Variants in DDX19B observed in about 807,000 individuals in gnomAD.
DDX19B encodes the protein DEAD-box helicase 19B.
A neutral mutation model predicts 58.1 loss-of-function variants in DDX19B; 27 were observed. That is an observed-to-expected ratio of 0.46 (90% CI 0.34 to 0.64). The LOEUF (loss-of-function observed/expected upper bound fraction) is 0.64. DDX19B is among the 30% of genes least tolerant of loss of function. The pLI is 0.01. For missense variants in DDX19B, 399 were observed against 596.5 expected, an observed-to-expected ratio of 0.67 and a Z score of 3.45; for synonymous variants, 187 against 214.4, an observed-to-expected ratio of 0.87 and a Z score of 1.12.
Position 70,300,210 on chromosome 16 carries a change from C to CT in DDX19B, c.57+868dup, listed in dbSNP as rs112236345. Among the ~76,000 whole-genome samples, 1,009 of 145,604 alleles carry CT rather than the reference C, an allele frequency of 6.9e-3. 13 individuals carry two copies. Among genetic ancestry groups the CT allele is most frequent in the East Asian group, 0.069 (343 of 5,004 alleles). ...TTTTTTTCCTCCCCAGAGGCAACTCCTTTTTTTTTTTTGGAGACAGGGTCA... is the reference window on the plus strand; with the variant it reads ...TTTTTTTCCTCCCCAGAGGCAACTCCTTTTTTTTTTTTTGGAGACAGGGTCA... On this transcript the variant is annotated intron_variant, in intron 1 of 11. Coordinates refer to ENST00000288071, the MANE Select transcript of DDX19B (RefSeq NM_007242.7).
chr16:70,333,167 C>T lies in DDX19B; in HGVS notation c.1378+8C>T, dbSNP rs1157329903. On this transcript the variant is annotated splice_region_variant and intron_variant, in intron 11 of 11. Coordinates refer to ENST00000288071, the MANE Select transcript of DDX19B (RefSeq NM_007242.7). ...GAATCCAGGAGCATTTTAGTGAGTC[C>T]CGGGGAGGGTCCTGTGCCTGGCGCC... 1 of 1,384,928 alleles carries T rather than the reference C, an allele frequency of 7.2e-7. No individual in the cohort carries two copies. Among genetic ancestry groups the T allele is most frequent in the East Asian group, 2.5e-5 (1 of 39,930 alleles). 85.8% of individuals were successfully genotyped at this position (1,384,928 alleles called of 1,614,324 possible).
At chr16:70,293,545 A>G (rs1597456792), upstream of DDX19B, among the ~76,000 whole-genome samples, 2 of 149,940 alleles carry the variant, frequency 1.3e-5, no homozygotes, top group East Asian at 3.9e-4. Context: ...CATCTATAAA[A>G]TGGGTTTACA....
chr16:70,295,107 T>C, upstream of DDX19B: 7 of 1,244,884 alleles, frequency 5.6e-6, no homozygotes, highest in South Asian at 1.4e-4. Flanking sequence ...TGAGACTGGC[T>C]AGGCTCACGT....
chr16:70,302,559 T>A (rs553750581), intron 1 of DDX19B, among the ~76,000 whole-genome samples: 31 of 152,346 alleles, frequency 2.0e-4, no homozygotes, highest in African/African-American at 7.2e-4. Flanking sequence ...TCAACCAAGT[T>A]GCATGTATCA....
At chr16:70,292,526 A>G (rs1319326149), upstream of DDX19B, among the ~76,000 whole-genome samples, 2 of 152,194 alleles carry the variant, frequency 1.3e-5, no homozygotes, top group Non-Finnish European at 2.9e-5. Flanking sequence ...TTATCTAATG[A>G]TATTTTTCTG....
Position 70,333,055 on chromosome 16 carries a change from A to G in DDX19B, c.1274A>G (p.His425Arg). The G allele has an allele frequency of 6.2e-7, 1 of 1,611,456 alleles. No homozygotes were observed. The highest frequency in any genetic ancestry group is 8.5e-7 in the Non-Finnish European group (1 of 1,178,670). Residue 425 changes from histidine (H) to arginine (R), a missense_variant, in exon 11 of 12, where the codon CAC becomes CGC. Around this residue, in one of 4 missense-constraint regions of DDX19B, gnomAD observed 198 missense variants for 345.9 expected, o/e 0.57. Transcript: ENST00000288071. ...AATCCTGACAATGAGACCTACCTGC[A>G]CCGGATCGGGCGCACGGGCCGCTTT... ...DGNPDNETYL[H>R]RIGRTGRFGK... is the part of the protein sequence containing the mutation.
rs752924647 is a variant in DDX19B, at chr16:70,314,933, G to A, written c.138G>A (p.Glu46=). The change falls in exon 3 of 12, where the codon GAG becomes GAA. Residue 46 remains glutamate, a synonymous_variant. Coordinates refer to ENST00000288071, the MANE Select transcript of DDX19B (RefSeq NM_007242.7). ...GAVVKTNANA[E]KTDEEEKEDR... ...TTGTCAAGACCAATGCCAATGCAGA[G>A]AAGACAGATGAAGAAGAGAAAGGTA... 1.2e-6 allele frequency: 2 copies of A among 1,609,094 alleles called. No individual in the cohort carries two copies. Among genetic ancestry groups the A allele is most frequent in the Non-Finnish European group, 1.7e-6 (2 of 1,176,712 alleles).
upstream of DDX19B, among the ~76,000 whole-genome samples, chr16:70,291,123 AC>A (rs2152176441): frequency 6.6e-6 from 1 of 152,290 alleles, no homozygotes; most frequent in South Asian, 2.1e-4. Context: ...TAATCATCAA[AC>A]CTACCATTTA....
rs115132510 is a variant in DDX19B at position 70,330,136 on chromosome 16, G to A, written c.1023+68G>A. ...GCCAGCTCCCCACAGGGCTCAGGAG[G>A]ACTGGATGCCCCTGGGTGCCATGGG... On this transcript the variant is annotated intron_variant, in intron 9 of 11. Transcript: ENST00000288071. The A allele has an allele frequency of 2.3e-3, 3,614 of 1,575,078 alleles. 56 individuals carry two copies. In the African/African-American group the frequency reaches 0.042, roughly 18 times the overall value.
At position 70,309,008 on chromosome 16, in the gene DDX19B, T is replaced by C. The variant is rs145205642; in HGVS notation, c.58-3601T>C. ...TAGTGTATTCTTTATCCTTCAGAAT[T>C]AGTGAAGGATTTTTACTGCTTTATA... On this transcript the variant is annotated intron_variant, in intron 1 of 11. Transcript: ENST00000288071. 7.2e-4 allele frequency among the ~76,000 whole-genome samples: 109 copies of C among 152,262 alleles called. 1 individual carries two copies. The highest frequency in any genetic ancestry group is 2.4e-3 in the African/African-American group (100 of 41,562).
intron 1 of DDX19B, among the ~76,000 whole-genome samples, chr16:70,307,400 T>A (rs924488543): frequency 6.6e-6 from 1 of 152,314 alleles, no homozygotes; most frequent in South Asian, 2.1e-4. Flanking sequence ...TCTCGCACTG[T>A]CTCCCAGGCT....
intron 5 of DDX19B, among the ~76,000 whole-genome samples, chr16:70,319,388 A>G (rs999137898): frequency 1.3e-5 from 2 of 152,126 alleles, no homozygotes; most frequent in African/African-American, 4.8e-5. Context: ...CAGGGTCTGA[A>G]TTTAGTAGGT....
At chr16:70,327,575 T>G (rs1963238462) in intron 7 of DDX19B, among the ~76,000 whole-genome samples, 1 of 151,986 alleles carries the variant, frequency 6.6e-6, no homozygotes. Flanking sequence ...TTTTTTTTTT[T>G]TTGTAAAGAC....
chr16:70,321,693 G>T (rs1962826156), intron 5 of DDX19B, among the ~76,000 whole-genome samples: 1 of 152,170 alleles, frequency 6.6e-6, no homozygotes, highest in Non-Finnish European at 1.5e-5. Flanking sequence ...ACACTTAAAA[G>T]TGGGTAAAAG....
At chr16:70,315,865 T>C (rs1450364564) in intron 3 of DDX19B, 104 bp from the exon 4 acceptor site, 1 of 1,417,930 alleles carries the variant, frequency 7.1e-7, no homozygotes, top group Non-Finnish European at 9.5e-7. Context: ...AATTTGAATG[T>C]TCAGTACATT....
upstream of DDX19B, chr16:70,289,899 A>G (rs1961013612): frequency 2.7e-6 from 1 of 373,924 alleles, no homozygotes; most frequent in African/African-American, 2.1e-5. Context: ...TGTTTATTTT[A>G]GTTGCTGAGT....
At chr16:70,297,518 G>A (rs1445114342), upstream of DDX19B, among the ~76,000 whole-genome samples, 1 of 152,022 alleles carries the variant, frequency 6.6e-6, no homozygotes, top group African/African-American at 2.4e-5. Context: ...CGGCCTCATG[G>A]CTTGAAATTA....
At chr16:70,322,290 CAA>C (rs1962876184) in intron 5 of DDX19B, among the ~76,000 whole-genome samples, 1 of 151,968 alleles carries the variant, frequency 6.6e-6, no homozygotes, top group African/African-American at 2.4e-5. Context: ...GAAATAGAAT[CAA>C]GAGTTACCGG....
At chr16:70,317,635 T>C in intron 5 of DDX19B, 47 bp downstream of exon 5, 1 of 1,541,354 alleles carries the variant, frequency 6.5e-7, no homozygotes, top group Non-Finnish European at 8.9e-7. Flanking sequence ...TTTCTATTTT[T>C]GAAAACTATT....
Sources: gnomAD v4.1 joint callset for allele counts (sites outside exome capture counted in the v4.1 genomes callset) on GRCh38, gnomAD v4.1.1 for gene constraint, gnomAD v4.1.1 regional missense constraint, MANE v1.5 for transcripts, NCBI Gene and HGNC (gene_info 2026-07-23, HGNC 2026-07-21) for gene names.